PCDHGA3: variants seen among roughly 807,000 people sequenced by gnomAD.
PCDHGA3 encodes the protein protocadherin gamma-A3.
PCDHGA3 carries 40 observed loss-of-function variants against 58.5 expected under a neutral mutation model. The observed-to-expected ratio is 0.68, with a 90% CI of 0.53 to 0.89. The LOEUF is 0.89. Among genes scored for constraint, PCDHGA3 ranks in the 40% least tolerant of loss-of-function variants. The pLI is 0.00. For synonymous variants in PCDHGA3, 530 were observed against 525.7 expected, an observed-to-expected ratio of 1.01 and a Z score of -0.11; for missense variants, 1,223 against 1,195.9, an observed-to-expected ratio of 1.02 and a Z score of -0.33.
At chr5:141,403,430 C>A in intron 1 of PCDHGA3, 1 of 1,614,022 alleles carries the variant, frequency 6.2e-7, no homozygotes, top group Non-Finnish European at 8.5e-7. Flanking sequence ...AGCTATTGAT[C>A]CGGATGTTGG....
At chr5:141,369,714 T>A (rs565396016) in intron 1 of PCDHGA3, among the ~76,000 whole-genome samples, 20 of 152,268 alleles carry the variant, frequency 1.3e-4, no homozygotes, top group African/African-American at 4.3e-4. Context: ...CATTATAACT[T>A]TTAGAAGTTA....
intron 1 of PCDHGA3, chr5:141,351,983 C>T (rs1758882465): frequency 3.1e-6 from 5 of 1,611,764 alleles, no homozygotes; most frequent in Non-Finnish European, 4.2e-6. Flanking sequence ...CGATATGGTG[C>T]CACGCGCCGC....
At chr5:141,360,361 A>T in intron 1 of PCDHGA3, 1 of 1,613,910 alleles carries the variant, frequency 6.2e-7, no homozygotes, top group Non-Finnish European at 8.5e-7. Context: ...GGAATATTTC[A>T]CAGTAAACCC....
chr5:141,503,763 T>C (rs1014883264), intron 2 of PCDHGA3, among the ~76,000 whole-genome samples: 1 of 152,174 alleles, frequency 6.6e-6, no homozygotes, highest in Non-Finnish European at 1.5e-5. Context: ...ATGGCAGCCT[T>C]GTGTCTGTTC....
chr5:141,478,139 G>C, intron 1 of PCDHGA3: 15 of 1,614,040 alleles, frequency 9.3e-6, no homozygotes, highest in Non-Finnish European at 1.3e-5. Context: ...TGAAGCCCGA[G>C]CCGAGTTCCC....
In PCDHGA3 at chr5:141,345,887, G is replaced by C. The variant is rs749950943; in HGVS notation, c.1854G>C (p.Ser618=). 2.9e-5 allele frequency: 47 copies of C among 1,613,292 alleles called. No individual in the cohort carries two copies. In the South Asian group the frequency reaches 4.9e-4, roughly 17 times the overall value. ...LLKASEPGLF[S]VGLHTGEVRT... ...AGGCCAGCGAGCCGGGACTCTTCTC[G>C]GTGGGTCTGCACACGGGCGAGGTGC... The change falls in exon 1 of 4, where the codon TCG becomes TCC. Residue 618 remains serine, a synonymous_variant. Transcript: ENST00000253812.
At chr5:141,393,876 C>A in intron 1 of PCDHGA3, 1 of 1,613,862 alleles carries the variant, frequency 6.2e-7, no homozygotes, top group Non-Finnish European at 8.5e-7. Context: ...TTTGTTTAGC[C>A]CAGTGTTAGA....
In PCDHGA3 at chr5:141,431,202, C is replaced by T. The variant is rs2097350864; in HGVS notation, c.2425-63605C>T. The stretch of plus-strand genomic sequence containing the variant: ...ATAAAAATTAGTGAAAATGCAGCCA[C>T]TGAGATGCGGTTCCCTCTACCCCAC... On this transcript the variant is annotated intron_variant, in intron 1 of 3. Coordinates refer to ENST00000253812, the MANE Select transcript of PCDHGA3 (RefSeq NM_018916.4). The surrounding 1 kb of genome is among the most constrained non-coding windows in gnomAD (Gnocchi z 4.8). 6.2e-7 allele frequency: 1 copy of T among 1,614,204 alleles called. No individual in the cohort carries two copies. Among genetic ancestry groups the T allele is most frequent in the Non-Finnish European group, 8.5e-7 (1 of 1,180,052 alleles).
intron 1 of PCDHGA3, chr5:141,379,535 GGAAA>G (rs1209928987): frequency 6.6e-6 from 1 of 152,098 alleles, no homozygotes; most frequent in Non-Finnish European, 1.5e-5. Flanking sequence ...GTTGTTATAG[GGAAA>G]GCTCACTAAC....
At chr5:141,440,431 A>G (rs1338519888) in intron 1 of PCDHGA3, 1 of 152,222 alleles carries the variant, frequency 6.6e-6, no homozygotes, top group Non-Finnish European at 1.5e-5. Flanking sequence ...TGGGTGACAG[A>G]GCAAGGCGCC....
Position 141,345,352 on chromosome 5 carries a change from T to C in PCDHGA3, c.1319T>C (p.Leu440Pro). 2.5e-6 allele frequency: 4 copies of C among 1,613,994 alleles called. No homozygotes were observed. In the South Asian group the frequency reaches 4.4e-5, roughly 18 times the overall value. The change falls in exon 1 of 4, where the codon CTG becomes CCG. Residue 440 changes from leucine (L) to proline (P), a missense_variant. Leu to Pro is a moderately conservative substitution (Grantham distance 98). Transcript: ENST00000253812. The part of the protein sequence containing the change: ...PPLSTETHIT[L>P]HVIDINDNPP... ...CTGTCCACAGAAACTCACATCACCC[T>C]GCATGTGATTGACATCAATGACAAC...
At chr5:141,503,099 C>T (rs1286557930) in intron 2 of PCDHGA3, among the ~76,000 whole-genome samples, 1 of 151,884 alleles carries the variant, frequency 6.6e-6, no homozygotes, top group Non-Finnish European at 1.5e-5. Context: ...GTGGTCTGCC[C>T]GCCCCTGCCT....
At chr5:141,389,390 C>A (rs759786018) in intron 1 of PCDHGA3, 1 of 1,613,718 alleles carries the variant, frequency 6.2e-7, no homozygotes, top group Non-Finnish European at 8.5e-7. Context: ...TGTCATCCTA[C>A]GTGTCCATAA....
intron 1 of PCDHGA3, chr5:141,356,119 C>A: frequency 6.2e-7 from 1 of 1,613,794 alleles, no homozygotes; most frequent in Non-Finnish European, 8.5e-7. Flanking sequence ...ATTGGGGGGT[C>A]TAGATTATGA....
At chr5:141,376,200 C>A (rs1220789915) in intron 1 of PCDHGA3, 2 of 1,614,086 alleles carry the variant, frequency 1.2e-6, no homozygotes, top group Non-Finnish European at 1.7e-6. Context: ...GTCTTCCTGG[C>A]CTTCGTCATC....
intron 1 of PCDHGA3, chr5:141,378,509 C>T (rs60712207): frequency 0.33 from 49,377 of 151,848 alleles, 8,313 homozygotes; most frequent in Admixed American, 0.44. Flanking sequence ...GGTGACAGAG[C>T]GAGACTCTGT....
intron 1 of PCDHGA3, chr5:141,478,540 C>T (rs1221128622): frequency 6.2e-7 from 1 of 1,606,412 alleles, no homozygotes; most frequent in East Asian, 2.2e-5. Context: ...GCGCCCCTCC[C>T]GGACAGGTAA....
At chr5:141,419,640 T>C (rs2096410171) in intron 1 of PCDHGA3, 2 of 1,612,532 alleles carry the variant, frequency 1.2e-6, no homozygotes. Context: ...GTGGTGGCCG[T>C]GGACGCGGAC....
chr5:141,359,058 A>G (rs1335887874), intron 1 of PCDHGA3, among the ~76,000 whole-genome samples: 1 of 152,254 alleles, frequency 6.6e-6, no homozygotes, highest in African/African-American at 2.4e-5. Flanking sequence ...AATATGCCTC[A>G]ATTTGACTTA....
Sources: gnomAD v4.1 joint callset for allele counts (sites outside exome capture counted in the v4.1 genomes callset) on GRCh38, gnomAD v4.1.1 for gene constraint, Gnocchi (gnomAD v3.1) non-coding constraint, MANE v1.5 for transcripts, NCBI Gene and HGNC (gene_info 2026-07-23, HGNC 2026-07-21) for gene names.